UBAP1: variants seen among roughly 807,000 people sequenced by gnomAD.
UBAP1 encodes the protein ubiquitin associated protein 1, also known as ubiquitin-associated protein 1.
In UBAP1, 5 loss-of-function variants were observed where a neutral mutation model predicts 39.0. That is an observed-to-expected ratio of 0.13 (90% confidence interval 0.07 to 0.27). The LOEUF (loss-of-function observed/expected upper bound fraction) is 0.27. Ranked by LOEUF, UBAP1 falls within the 10% of genes least tolerant of loss-of-function variation. The probability of loss-of-function intolerance (pLI) is 1.00; values close to 1 mark genes in which losing one functional copy is unlikely to be tolerated. For missense variants in UBAP1, 490 were observed against 608.1 expected (o/e 0.81, Z 2.04); for synonymous variants, 211 against 225.1 (o/e 0.94, Z 0.56).
chr9:34,217,567 A>G (rs1832398491), intron 1 of UBAP1, among the ~76,000 whole-genome samples: 1 of 148,712 alleles, frequency 6.7e-6, no homozygotes, highest in South Asian at 2.1e-4. Context: ...AATTTTTTTA[A>G]TTTTTGTTTT....
rs1833982952 is a variant in UBAP1, at chr9:34,242,001, T to A, written c.976T>A (p.Leu326Met). ...HHTLGLSALNLDSGTEMPALT... is the reference protein window; with the variant it reads ...HHTLGLSALNMDSGTEMPALT... ...CACTCTTGGGCTTTCAGCTTTGAACTTGGACAGTGGCACAGAGATGCCAGC... is the reference window on the plus strand; with the variant it reads ...CACTCTTGGGCTTTCAGCTTTGAACATGGACAGTGGCACAGAGATGCCAGC... Residue 326 changes from leucine (L) to methionine (M), a missense_variant, in exon 4 of 7, where the codon TTG becomes ATG. Physicochemically the swap from Leu to Met is conservative, Grantham distance 15. This residue lies in a region of UBAP1 where 339 missense variants were observed against 390.0 expected (regional missense o/e 0.87). Coordinates refer to ENST00000297661, the MANE Select transcript of UBAP1 (RefSeq NM_016525.5). The A allele has an allele frequency of 6.2e-7, 1 of 1,614,078 alleles. No homozygotes were observed.
Position 34,241,062 on chromosome 9 carries a change from C to T in UBAP1, c.160-123C>T, listed in dbSNP as rs565941174. ...CTTTTTAAGTGGGGATCATCCCACACGCCTTAAATGCTGCCTTGTCCGGTT... is the reference window on the plus strand; with the variant it reads ...CTTTTTAAGTGGGGATCATCCCACATGCCTTAAATGCTGCCTTGTCCGGTT... On this transcript the variant is annotated intron_variant, in intron 3 of 6. Transcript: ENST00000297661. The T allele has an allele frequency of 1.9e-5, 12 of 630,652 alleles. No individual in the cohort carries two copies. The South Asian group carries it at 2.9e-4, about 15-fold the overall frequency. The allele number at this position is 630,652 out of a possible 1,614,324, so 39.1% of individuals were successfully genotyped here.
At chr9:34,217,783 C>CTTTTTTTT (rs750494361) in intron 1 of UBAP1, among the ~76,000 whole-genome samples, 500 of 41,232 alleles carry the variant, frequency 0.012, 126 homozygotes, top group South Asian at 0.034. Context: ...GGATTTCGTT[C>CTTTTTTTT]TTTTTTTTTT....
intron 1 of UBAP1, among the ~76,000 whole-genome samples, chr9:34,180,814 C>G (rs940430298): frequency 7.1e-6 from 1 of 141,746 alleles, no homozygotes. Context: ...TTTTTTGTTT[C>G]TTTTTATTTT....
At chr9:34,233,833 T>C (rs1330995531) in intron 2 of UBAP1, among the ~76,000 whole-genome samples, 2 of 151,636 alleles carry the variant, frequency 1.3e-5, no homozygotes, top group African/African-American at 4.8e-5. Flanking sequence ...GACAGAAGAG[T>C]GTTCCAGTTA....
intron 2 of UBAP1, among the ~76,000 whole-genome samples, chr9:34,222,745 C>A (rs899503360): frequency 6.6e-6 from 1 of 151,926 alleles, no homozygotes; most frequent in African/African-American, 2.4e-5. Flanking sequence ...CTGCAGTGAG[C>A]CATGATCACG....
chr9:34,220,552 C>G, intron 1 of UBAP1: 1 of 178,456 alleles, frequency 5.6e-6, no homozygotes, highest in Non-Finnish European at 1.2e-5. Context: ...TCTCGAACTC[C>G]TGTGCTCAAG....
At chr9:34,219,592 TCTAA>T (rs914636645) in intron 1 of UBAP1, among the ~76,000 whole-genome samples, 2 of 151,938 alleles carry the variant, frequency 1.3e-5, no homozygotes, top group Non-Finnish European at 2.9e-5. Flanking sequence ...TTTCAGATTT[TCTAA>T]CTTTTTGCCT....
At chr9:34,228,201 G>C (rs1833202307) in intron 2 of UBAP1, among the ~76,000 whole-genome samples, 1 of 152,030 alleles carries the variant, frequency 6.6e-6, no homozygotes, top group African/African-American at 2.4e-5. Context: ...GGCGGATCAT[G>C]AGGTAAGGAG....
chr9:34,229,401 G>A (rs372264371), intron 2 of UBAP1, among the ~76,000 whole-genome samples: 44 of 151,998 alleles, frequency 2.9e-4, no homozygotes, highest in African/African-American at 1.0e-3. Flanking sequence ...GGGATTACAG[G>A]CACACACCAC....
intron 1 of UBAP1, among the ~76,000 whole-genome samples, chr9:34,180,896 C>T (rs185084614): frequency 1.5e-4 from 22 of 150,740 alleles, no homozygotes; most frequent in Middle Eastern, 3.4e-3. Flanking sequence ...CTGCAACCTC[C>T]GCCTCCTGGG....
At chr9:34,217,087 A>G (rs1276275804) in intron 1 of UBAP1, among the ~76,000 whole-genome samples, 2 of 151,982 alleles carry the variant, frequency 1.3e-5, no homozygotes, top group Non-Finnish European at 2.9e-5. Context: ...TCTTTTGGGA[A>G]GGGTGTTTGC....
In UBAP1 at chr9:34,249,642, T is replaced by A; in HGVS notation, c.1084-137T>A. 5.2e-6 allele frequency: 4 copies of A among 772,658 alleles called. No individual in the cohort carries two copies. In the South Asian group the frequency reaches 7.3e-5, roughly 14 times the overall value. 47.9% of individuals were successfully genotyped at this position (772,658 alleles called of 1,614,324 possible). On this transcript the variant is annotated intron_variant, in intron 4 of 6. Coordinates refer to ENST00000297661, the MANE Select transcript of UBAP1 (RefSeq NM_016525.5). Reference sequence around the variant, plus strand: ...TTTTCAGGGTGTCTGACCAGCAACCTGGCGATTTCTTCCAACCTGACCGCT... The same window carrying A: ...TTTTCAGGGTGTCTGACCAGCAACCAGGCGATTTCTTCCAACCTGACCGCT...
At chr9:34,221,268 G>T (rs1341566539) in intron 2 of UBAP1, among the ~76,000 whole-genome samples, 1 of 152,144 alleles carries the variant, frequency 6.6e-6, no homozygotes, top group Non-Finnish European at 1.5e-5. Context: ...GGTGGTTCAA[G>T]CCTGTAATCC....
intron 1 of UBAP1, among the ~76,000 whole-genome samples, chr9:34,219,006 A>G (rs1832505245): frequency 6.6e-6 from 1 of 152,152 alleles, no homozygotes; most frequent in Non-Finnish European, 1.5e-5. Flanking sequence ...GATAATACAT[A>G]CACTTTATAA....
At chr9:34,235,750 C>T (rs974981526) in intron 3 of UBAP1, among the ~76,000 whole-genome samples, 5 of 152,070 alleles carry the variant, frequency 3.3e-5, no homozygotes, top group African/African-American at 1.2e-4. Context: ...TTCGCTTACT[C>T]ACTCACCCAG....
At chr9:34,226,113 G>GTGTGTGTGTGTGTGTGTGTGTT (rs1833046552) in intron 2 of UBAP1, among the ~76,000 whole-genome samples, 5 of 89,294 alleles carry the variant, frequency 5.6e-5, no homozygotes, top group African/African-American at 1.6e-4. Flanking sequence ...TATTGTGTGT[G>GTGTGTGTGTGTGTGTGTGTGTT]TGTGTGTGTG....
At chr9:34,224,529 C>T in intron 2 of UBAP1, 1 of 429,762 alleles carries the variant, frequency 2.3e-6, no homozygotes, top group Non-Finnish European at 4.0e-6. Flanking sequence ...TTGGTGTTGG[C>T]AGCTGGGCAC....
chr9:34,248,339 T>C (rs888251973), intron 4 of UBAP1, among the ~76,000 whole-genome samples: 1 of 152,160 alleles, frequency 6.6e-6, no homozygotes, highest in Non-Finnish European at 1.5e-5. Context: ...TGGCTAGATA[T>C]GATTTTATTA....
Sources: allele counts gnomAD v4.1 joint callset (sites outside exome capture counted in the v4.1 genomes callset), GRCh38; gene constraint gnomAD v4.1.1; regional missense constraint gnomAD v4.1.1; transcripts MANE v1.5; gene names NCBI Gene and HGNC (gene_info 2026-07-23, HGNC 2026-07-21).